STPG2: variants seen among roughly 807,000 people sequenced by gnomAD.
The protein encoded by STPG2 is sperm tail PG-rich repeat containing 2, also known as sperm-tail PG-rich repeat-containing protein 2.
A neutral mutation model predicts 54.2 loss-of-function variants in STPG2; 56 were observed. That is an observed-to-expected ratio of 1.03 (90% CI 0.83 to 1.29). The LOEUF is 1.29. Ranked by LOEUF, STPG2 falls within the 50% of genes most tolerant of loss-of-function variation. STPG2 has a pLI of 0.00. For synonymous variants in STPG2, 200 were observed against 181.8 expected, an observed-to-expected ratio of 1.10 and a Z score of -0.81; for missense variants, 596 against 544.9, an observed-to-expected ratio of 1.09 and a Z score of -0.93.
intron 5 of STPG2, among the ~76,000 whole-genome samples, chr4:98,091,536 A>G (rs192952369): frequency 6.6e-6 from 1 of 152,112 alleles, no homozygotes; most frequent in East Asian, 1.9e-4. Flanking sequence ...AAATCAACGC[A>G]TTTCTCCTTT....
At chr4:97,864,462 C>T (rs529024252) in intron 8 of STPG2, among the ~76,000 whole-genome samples, 36 of 152,140 alleles carry the variant, frequency 2.4e-4, no homozygotes, top group Admixed American at 7.2e-4. Flanking sequence ...AATGGGAGAA[C>T]ATTACATGCT....
chr4:97,744,214 CATT>C (rs1331192437), intron 9 of STPG2, among the ~76,000 whole-genome samples: 1 of 151,266 alleles, frequency 6.6e-6, no homozygotes, highest in Admixed American at 6.6e-5. Context: ...TCTTCTGTAA[CATT>C]ATTTCCTATA....
intron 7 of STPG2, among the ~76,000 whole-genome samples, chr4:97,960,106 A>C (rs1467328823): frequency 6.6e-6 from 1 of 152,184 alleles, no homozygotes; most frequent in Non-Finnish European, 1.5e-5. Context: ...TCACATGATC[A>C]TCTCAATAGA....
intron 5 of STPG2, among the ~76,000 whole-genome samples, chr4:98,070,861 A>G (rs1737982073): frequency 6.6e-6 from 1 of 152,132 alleles, no homozygotes; most frequent in Non-Finnish European, 1.5e-5. Flanking sequence ...GAAATCAGAT[A>G]TGACATAAAC....
intron 4 of STPG2, among the ~76,000 whole-genome samples, chr4:97,544,186 AATTAC>A (rs1356129920): frequency 5.3e-5 from 8 of 152,280 alleles, no homozygotes; most frequent in African/African-American, 1.2e-4. Context: ...AATTCCAGTT[AATTAC>A]ATTACAAGTA....
At chr4:97,944,996 C>G (rs1400649246) in intron 7 of STPG2, among the ~76,000 whole-genome samples, 1 of 152,070 alleles carries the variant, frequency 6.6e-6, no homozygotes, top group Non-Finnish European at 1.5e-5. Flanking sequence ...ACATCTAAGC[C>G]AGCATTATTA....
At chr4:97,457,396 C>A (rs1184795639) in intron 4 of STPG2, among the ~76,000 whole-genome samples, 1 of 152,178 alleles carries the variant, frequency 6.6e-6, no homozygotes, top group Non-Finnish European at 1.5e-5. Context: ...TCAAACCAAA[C>A]CCAACTCAGT....
intron 5 of STPG2, among the ~76,000 whole-genome samples, chr4:98,072,325 G>T (rs1037799109): frequency 6.6e-6 from 1 of 152,056 alleles, no homozygotes; most frequent in Admixed American, 6.6e-5. Context: ...ACCAAACATC[G>T]TATGTTCTCA....
intron 4 of STPG2, among the ~76,000 whole-genome samples, chr4:97,543,099 T>G (rs992978981): frequency 1.3e-5 from 2 of 151,830 alleles, no homozygotes; most frequent in African/African-American, 2.4e-5. Flanking sequence ...ATTGTGCACA[T>G]GTACCCTAGA....
intron 9 of STPG2, among the ~76,000 whole-genome samples, chr4:97,748,078 C>A (rs1693601069): frequency 6.6e-6 from 1 of 151,402 alleles, no homozygotes; most frequent in African/African-American, 2.4e-5. Context: ...AAATGAGCTG[C>A]TTCTGTTCCT....
chr4:97,477,933 CT>C lies in STPG2; in HGVS notation c.462+234765del, dbSNP rs1157409108. ...TAAATCAGCTACTACGTGATAAAAA[CT>C]AGCATGTTAACTAAATAAAAATGCA... On this transcript the variant is annotated intron_variant, in intron 4 of 4. Transcript: ENST00000522676. Among the ~76,000 whole-genome samples the C allele has an allele frequency of 2.0e-5, 3 of 152,258 alleles. No individual in the cohort carries two copies. In the East Asian group the frequency reaches 5.8e-4, roughly 29 times the overall value.
chr4:97,799,864 T>G (rs1303010761), intron 9 of STPG2, among the ~76,000 whole-genome samples: 3 of 152,184 alleles, frequency 2.0e-5, no homozygotes, highest in Non-Finnish European at 2.9e-5. Context: ...CCATATTTCT[T>G]GGAGGCTTTG....
At chr4:97,579,867 A>G (rs928674990) in intron 10 of STPG2, among the ~76,000 whole-genome samples, 1 of 152,040 alleles carries the variant, frequency 6.6e-6, no homozygotes, top group East Asian at 1.9e-4. Context: ...TTTTATTGAA[A>G]CCACTAATCC....
chr4:97,456,101 G>C (rs1325807398), intron 4 of STPG2, among the ~76,000 whole-genome samples: 1 of 152,158 alleles, frequency 6.6e-6, no homozygotes, highest in Non-Finnish European at 1.5e-5. Flanking sequence ...AAGAAGACTA[G>C]CTACAGACTC....
At chr4:97,598,856 A>T (rs1733377147) in intron 10 of STPG2, among the ~76,000 whole-genome samples, 1 of 152,130 alleles carries the variant, frequency 6.6e-6, no homozygotes, top group African/African-American at 2.4e-5. Context: ...CTGGACATGG[A>T]ACCTGGCAAA....
At chr4:98,102,617 C>G (rs142307689) in intron 5 of STPG2, among the ~76,000 whole-genome samples, 301 of 151,960 alleles carry the variant, frequency 2.0e-3, no homozygotes, top group African/African-American at 7.1e-3. Flanking sequence ...ATTATCAGTT[C>G]AATGCATTTC....
intron 8 of STPG2, among the ~76,000 whole-genome samples, chr4:97,937,483 T>A (rs1732791353): frequency 6.6e-6 from 1 of 152,198 alleles, no homozygotes. Context: ...ATTTTTGCGG[T>A]TTTTTGTTAA....
chr4:97,778,953 A>C (rs1000076027), intron 9 of STPG2, among the ~76,000 whole-genome samples: 4 of 152,188 alleles, frequency 2.6e-5, no homozygotes, highest in African/African-American at 7.2e-5. Context: ...TCAAAGATCA[A>C]AGGTAGATAA....
chr4:97,720,733 A>T (rs997444362), intron 9 of STPG2, among the ~76,000 whole-genome samples: 1 of 152,028 alleles, frequency 6.6e-6, no homozygotes, highest in Non-Finnish European at 1.5e-5. Context: ...GTATAAACAC[A>T]TTTAAGGAAA....
Sources: gnomAD v4.1 joint callset for allele counts (sites outside exome capture counted in the v4.1 genomes callset) on GRCh38, gnomAD v4.1.1 for gene constraint, MANE v1.5 for transcripts, NCBI Gene and HGNC (gene_info 2026-07-23, HGNC 2026-07-21) for gene names.